The following EHBP1 variants were observed in gnomAD, a reference collection of about 807,000 sequenced individuals.
The protein encoded by EHBP1 is EH domain-binding protein 1.
Under a neutral mutation model 144.0 loss-of-function variants are expected in EHBP1, and 55 were observed. The observed-to-expected ratio is 0.38, with a 90% CI of 0.31 to 0.48. The LOEUF (loss-of-function observed/expected upper bound fraction) is 0.48. Ranked by LOEUF, EHBP1 falls within the 20% of genes least tolerant of loss-of-function variation. EHBP1 has a pLI of 0.98. For synonymous variants in EHBP1, 469 were observed against 472.7 expected, an observed-to-expected ratio of 0.99 and a Z score of 0.10; for missense variants, 1,200 against 1,364.2, an observed-to-expected ratio of 0.88 and a Z score of 1.90.
At chr2:62,967,473 T>C (rs1460302312) in intron 14 of EHBP1, among the ~76,000 whole-genome samples, 1 of 149,126 alleles carries the variant, frequency 6.7e-6, no homozygotes, top group African/African-American at 2.4e-5. Context: ...AGGCTAGGTA[T>C]AGATCCTAGA....
chr2:63,003,570 G>T (rs756223707), intron 19 of EHBP1, among the ~76,000 whole-genome samples: 4 of 152,068 alleles, frequency 2.6e-5, no homozygotes, highest in Non-Finnish European at 4.4e-5. Flanking sequence ...TCCCTTGGTT[G>T]CCTTCCAAGC....
intron 10 of EHBP1, among the ~76,000 whole-genome samples, chr2:62,896,436 T>C (rs1473060610): frequency 6.6e-6 from 1 of 152,178 alleles, no homozygotes. Flanking sequence ...AGTTAGTGTA[T>C]GTATGTATTT....
chr2:62,783,044 A>T (rs909345277), intron 5 of EHBP1, among the ~76,000 whole-genome samples: 2 of 152,186 alleles, frequency 1.3e-5, no homozygotes, highest in African/African-American at 4.8e-5. Context: ...TAATGGGAGA[A>T]ATTGACCAAA....
At chr2:62,943,095 G>A (rs1216777140) in intron 11 of EHBP1, among the ~76,000 whole-genome samples, 199 bp downstream of exon 11, 1 of 152,232 alleles carries the variant, frequency 6.6e-6, no homozygotes, top group East Asian at 1.9e-4. Flanking sequence ...TAAAAGTGGT[G>A]GCTGGGCGTG....
intron 1 of EHBP1, among the ~76,000 whole-genome samples, chr2:62,678,104 G>A (rs932588540): frequency 2.5e-4 from 38 of 152,194 alleles, no homozygotes; most frequent in Non-Finnish European, 1.5e-4. Flanking sequence ...CACCAACAGC[G>A]TACCCGTTCC....
At chr2:62,927,635 G>A (rs1224590528) in intron 10 of EHBP1, among the ~76,000 whole-genome samples, 4 of 152,032 alleles carry the variant, frequency 2.6e-5, no homozygotes, top group Admixed American at 6.6e-5. Context: ...GGCCAGAATC[G>A]GAAGTAGACA....
rs550506629 is a variant in EHBP1 at position 62,798,782 on chromosome 2, A to T, written c.313-27305A>T. ...CACTTTGGGAGGCCGAGGTGGGCGG[A>T]TCGCGAGGTCAGGAGTTCAAGACCA... On this transcript the variant is annotated intron_variant, in intron 5 of 22. Coordinates refer to ENST00000431489, the MANE Select transcript of EHBP1 (RefSeq NM_001142616.3). Among the ~76,000 whole-genome samples the T allele has an allele frequency of 7.2e-5, 11 of 152,072 alleles. No individual in the cohort carries two copies. The South Asian group carries it at 2.3e-3, about 32-fold the overall frequency.
At chr2:62,856,234 G>C (rs2049045686) in intron 7 of EHBP1, among the ~76,000 whole-genome samples, 1 of 152,208 alleles carries the variant, frequency 6.6e-6, no homozygotes, top group African/African-American at 2.4e-5. Context: ...TCACCACATT[G>C]CAGGTGAAGA....
At chr2:62,749,725 G>C (rs1251343775) in intron 3 of EHBP1, among the ~76,000 whole-genome samples, 3 of 152,178 alleles carry the variant, frequency 2.0e-5, no homozygotes, top group African/African-American at 7.2e-5. Flanking sequence ...GCATTTCTCT[G>C]ATGGCCAGTG....
At chr2:62,676,887 A>G (rs780583617) in intron 1 of EHBP1, among the ~76,000 whole-genome samples, 2 of 152,184 alleles carry the variant, frequency 1.3e-5, no homozygotes, top group Non-Finnish European at 2.9e-5. Flanking sequence ...AAGCCTTTGA[A>G]GGATAGCCAG....
In EHBP1 at chr2:62,764,310, T is replaced by C. The variant is rs763653239; in HGVS notation, c.207T>C (p.Val69=). The change falls in exon 4 of 23, where the codon GTT becomes GTC. Residue 69 remains valine (V), a synonymous_variant. Coordinates refer to ENST00000431489, the MANE Select transcript of EHBP1 (RefSeq NM_001142616.3). ...QPGIKNPYRG[V]VVWPVPENIE... is the part of the protein sequence containing the mutation. ...GAATAAAAAATCCCTATCGTGGTGT[T>C]GTTGTGTGGCCTGTTCCTGAAAACA... is the stretch of plus-strand genomic sequence containing the variant. 1 of 1,584,438 alleles carries C rather than the reference T, an allele frequency of 6.3e-7. No homozygotes were observed. Among genetic ancestry groups the C allele is most frequent in the Non-Finnish European group, 8.6e-7 (1 of 1,167,624 alleles).
chr2:62,763,533 G>A (rs979007989), intron 3 of EHBP1, among the ~76,000 whole-genome samples: 3 of 152,136 alleles, frequency 2.0e-5, no homozygotes, highest in Non-Finnish European at 2.9e-5. Context: ...AATTTTCATA[G>A]CATGTCCATG....
intron 14 of EHBP1, 136 bp downstream of exon 14, chr2:62,955,796 C>T: frequency 2.3e-6 from 2 of 874,258 alleles, no homozygotes; most frequent in Non-Finnish European, 3.3e-6. Flanking sequence ...ACTTACTGAA[C>T]TGATAAAGAT....
At chr2:62,938,806 GA>G (rs139219285) in intron 10 of EHBP1, among the ~76,000 whole-genome samples, 20,745 of 146,484 alleles carry the variant, frequency 0.14, 1,718 homozygotes, top group Admixed American at 0.19. Flanking sequence ...GTTTGTGGGG[GA>G]AAAAAAAAAG....
At position 62,699,320 on chromosome 2, in the gene EHBP1, G is replaced by A. The variant is rs13412690; in HGVS notation, c.-295-7577G>A. 1.2e-3 allele frequency among the ~76,000 whole-genome samples: 190 copies of A among 152,250 alleles called. 1 individual carries two copies. Among genetic ancestry groups the A allele is most frequent in the Middle Eastern group, 0.01 (3 of 294 alleles). ...TGCCAAAGGCTCTTAACATTTCATGGGAAATGACCAGTAAGTCTTGGTCAA... is the reference window on the plus strand; with the variant it reads ...TGCCAAAGGCTCTTAACATTTCATGAGAAATGACCAGTAAGTCTTGGTCAA... On this transcript the variant is annotated intron_variant, in intron 1 of 22. Coordinates refer to the EHBP1 transcript ENST00000405015.
At chr2:62,860,051 T>C (rs978466071) in intron 8 of EHBP1, among the ~76,000 whole-genome samples, 1 of 152,226 alleles carries the variant, frequency 6.6e-6, no homozygotes, top group East Asian at 1.9e-4. Flanking sequence ...GTTATAGCAA[T>C]ATAATTTCAT....
intron 10 of EHBP1, among the ~76,000 whole-genome samples, chr2:62,887,448 A>G (rs1184313966): frequency 6.6e-6 from 1 of 152,028 alleles, no homozygotes; most frequent in Non-Finnish European, 1.5e-5. Flanking sequence ...TAACATTTAA[A>G]CCAATTAAGC....
intron 10 of EHBP1, among the ~76,000 whole-genome samples, chr2:62,907,007 C>T (rs1024936806): frequency 5.3e-5 from 8 of 152,122 alleles, no homozygotes; most frequent in Non-Finnish European, 1.0e-4. Flanking sequence ...TAGTATTTCA[C>T]GATATGGTTA....
chr2:63,043,088 A>G (rs548455580), intron 21 of EHBP1, among the ~76,000 whole-genome samples: 3 of 152,266 alleles, frequency 2.0e-5, no homozygotes, highest in African/African-American at 7.2e-5. Flanking sequence ...TTCTGAAATA[A>G]TATTTCTAGA....
Sources: allele counts gnomAD v4.1 joint callset (sites outside exome capture counted in the v4.1 genomes callset), GRCh38; gene constraint gnomAD v4.1.1; transcripts MANE v1.5; gene names NCBI Gene and HGNC (gene_info 2026-07-23, HGNC 2026-07-21).